CEP41: variants seen among roughly 807,000 people sequenced by gnomAD.
The protein encoded by CEP41 is centrosomal protein 41.
CEP41 carries 32 observed loss-of-function variants against 44.3 expected under a neutral mutation model. The observed-to-expected ratio is 0.72, with a 90% confidence interval of 0.54 to 0.97. The LOEUF (loss-of-function observed/expected upper bound fraction) is 0.97, where lower values mean the gene tolerates loss of function less well. CEP41 is among the 50% of genes least tolerant of loss of function. The probability of loss-of-function intolerance (pLI) is 0.00; values close to 1 mark genes in which losing one functional copy is unlikely to be tolerated. For missense variants in CEP41, 432 were observed against 455.2 expected (o/e 0.95, Z 0.46); for synonymous variants, 151 against 168.5 (o/e 0.90, Z 0.80).
At chr7:130,409,694 G>T (rs1026480402) in intron 5 of CEP41, among the ~76,000 whole-genome samples, 3 of 152,064 alleles carry the variant, frequency 2.0e-5, no homozygotes, top group Admixed American at 6.5e-5. Flanking sequence ...CTGATTGCTG[G>T]GTACTTCAGG....
At chr7:130,441,217 G>C (rs1554427847), upstream of CEP41, 1 of 648,406 alleles carries the variant, frequency 1.5e-6, no homozygotes, top group Non-Finnish European at 2.8e-6. Context: ...CTCTGGGCTG[G>C]GGCTCGCCGG....
At chr7:130,439,957 TC>T (rs1798093110) in intron 1 of CEP41, among the ~76,000 whole-genome samples, 1 of 152,192 alleles carries the variant, frequency 6.6e-6, no homozygotes, top group African/African-American at 2.4e-5. Flanking sequence ...AACATCTTGC[TC>T]CCCGACCACA....
chr7:130,435,436 CAA>C (rs1464532490), intron 1 of CEP41, among the ~76,000 whole-genome samples: 116 of 152,026 alleles, frequency 7.6e-4, no homozygotes, highest in African/African-American at 2.7e-3. Context: ...GCAAAAGACA[CAA>C]AGAGATATTT....
chr7:130,404,432 T>TTG, intron 6 of CEP41, 132 bp downstream of exon 6: 1 of 721,948 alleles, frequency 1.4e-6, no homozygotes, highest in Non-Finnish European at 2.4e-6. Flanking sequence ...AGTAGAAGGC[T>TTG]GGGATTAAAA....
At chr7:130,409,818 C>T (rs979182943) in intron 5 of CEP41, among the ~76,000 whole-genome samples, 39 of 152,212 alleles carry the variant, frequency 2.6e-4, no homozygotes, top group African/African-American at 8.7e-4. Context: ...TCTTTCTAGC[C>T]TTATCTCCTA....
intron 8 of CEP41, among the ~76,000 whole-genome samples, chr7:130,401,461 T>C (rs1462835877): frequency 6.9e-5 from 9 of 129,566 alleles, no homozygotes; most frequent in African/African-American, 1.2e-4. Flanking sequence ...TGCTCAACTG[T>C]GTGATTATAA....
chr7:130,441,096 CGGCCAATGGG>C (rs1563003341), upstream of CEP41: 2 of 1,073,960 alleles, frequency 1.9e-6, no homozygotes, highest in Admixed American at 3.8e-5. Context: ...CTTCCCCGGC[CGGCCAATGGG>C]GGCCCCGTTT....
intron 6 of CEP41, among the ~76,000 whole-genome samples, chr7:130,403,697 A>G (rs1796921942): frequency 6.6e-6 from 1 of 152,202 alleles, no homozygotes; most frequent in Non-Finnish European, 1.5e-5. Context: ...ATTTAAATCC[A>G]ATAAACACTA....
intron 9 of CEP41, 120 bp from the exon 10 acceptor site, chr7:130,400,374 A>T: frequency 1.3e-6 from 1 of 753,658 alleles, no homozygotes; most frequent in Non-Finnish European, 2.4e-6. Context: ...ACACAAGGAC[A>T]TGAAATCTTT....
chr7:130,423,098 T>A (rs1180226891), intron 2 of CEP41, among the ~76,000 whole-genome samples: 1 of 152,062 alleles, frequency 6.6e-6, no homozygotes, highest in Non-Finnish European at 1.5e-5. Flanking sequence ...AGGTGCACGC[T>A]GCCATGCCTG....
intron 2 of CEP41, among the ~76,000 whole-genome samples, chr7:130,418,374 T>G (rs1797398949): frequency 6.6e-6 from 1 of 152,220 alleles, no homozygotes; most frequent in South Asian, 2.1e-4. Context: ...CACAATTTCT[T>G]CCTGGACACA....
chr7:130,394,624 G>A lies in CEP41; in HGVS notation c.*4267C>T, dbSNP rs782635733. ...AAAACCTCAGGGTTTTGAATGCCTCGCCCACAAAGGCAGGATACACAAGGG... is the reference window on the plus strand; with the variant it reads ...AAAACCTCAGGGTTTTGAATGCCTCACCCACAAAGGCAGGATACACAAGGG... On this transcript the variant is annotated 3_prime_UTR_variant, in exon 11 of 11. Transcript: ENST00000223208. The A allele has an allele frequency of 7.7e-5, 35 of 453,502 alleles. No homozygotes were observed. The highest frequency in any genetic ancestry group is 2.2e-4 in the African/African-American group (11 of 50,052). The allele number at this position is 453,502 out of a possible 1,614,324, so 28.1% of individuals were successfully genotyped here.
intron 8 of CEP41, among the ~76,000 whole-genome samples, chr7:130,401,589 T>G (rs1319862531): frequency 6.6e-6 from 1 of 152,174 alleles, no homozygotes; most frequent in Non-Finnish European, 1.5e-5. Context: ...AAAAAAACCC[T>G]AAGTTCTGCT....
At chr7:130,413,695 A>T (rs1797252705) in intron 3 of CEP41, among the ~76,000 whole-genome samples, 1 of 152,182 alleles carries the variant, frequency 6.6e-6, no homozygotes, top group Non-Finnish European at 1.5e-5. Flanking sequence ...AATTCTTCCC[A>T]TCACATTAAA....
rs554903263 is a variant in CEP41 at position 130,398,887 on chromosome 7, G to A, written c.*4C>T. On this transcript the variant is annotated 3_prime_UTR_variant, in exon 11 of 11. Transcript: ENST00000223208. ...CATTTATTTGCCTAAGTGAGACAAA[G>A]TCTTTACTTCCAGGGTTTGCCTTGC... is the stretch of plus-strand genomic sequence containing the variant. The A allele has an allele frequency of 1.5e-4, 240 of 1,614,232 alleles. 5 individuals are homozygous for A. In the South Asian group the frequency reaches 2.5e-3, roughly 17 times the overall value.
At chr7:130,420,155 C>T in intron 2 of CEP41, 1 of 687,514 alleles carries the variant, frequency 1.5e-6, no homozygotes, top group South Asian at 6.6e-5. Context: ...GACCTCGTCT[C>T]TACAAAACAC....
At chr7:130,415,017 C>T (rs111962160) in intron 3 of CEP41, among the ~76,000 whole-genome samples, 34 of 152,306 alleles carry the variant, frequency 2.2e-4, no homozygotes, top group Admixed American at 4.6e-4. Flanking sequence ...CTGGGTCCAA[C>T]TAGTGTCATC....
At chr7:130,441,429 C>T (rs1183772295), upstream of CEP41, among the ~76,000 whole-genome samples, 1 of 152,192 alleles carries the variant, frequency 6.6e-6, no homozygotes, top group Non-Finnish European at 1.5e-5. Context: ...CTACTGATTC[C>T]ACAACAGGGA....
intron 2 of CEP41, chr7:130,420,120 C>G (rs1026971877): frequency 3.1e-6 from 3 of 962,636 alleles, no homozygotes; most frequent in Non-Finnish European, 3.7e-6. Context: ...CCAGGAGTTC[C>G]GGACCAGCCT....
Sources: allele counts gnomAD v4.1 joint callset (sites outside exome capture counted in the v4.1 genomes callset), GRCh38; gene constraint gnomAD v4.1.1; transcripts MANE v1.5; gene names NCBI Gene and HGNC (gene_info 2026-07-23, HGNC 2026-07-21).